The following TUT7 variants were observed in gnomAD, a reference collection of about 807,000 sequenced individuals.
The protein encoded by TUT7 is terminal uridylyl transferase 7.
A neutral mutation model predicts 165.9 loss-of-function variants in TUT7; 33 were observed. The observed-to-expected ratio is 0.20, with a 90% confidence interval of 0.15 to 0.27. The LOEUF (loss-of-function observed/expected upper bound fraction) is 0.27. TUT7 is among the 10% of genes least tolerant of loss of function. The pLI, the probability that TUT7 is intolerant of heterozygous loss-of-function variation, is 1.00. For synonymous variants in TUT7, 552 were observed against 608.1 expected (o/e 0.91, Z 1.36); for missense variants, 1,338 against 1,762.3 (o/e 0.76, Z 4.31).
intron 21 of TUT7, 88 bp downstream of exon 21, chr9:86,309,124 C>G (rs1827788339): frequency 2.6e-6 from 2 of 758,186 alleles, no homozygotes; most frequent in Non-Finnish European, 4.4e-6. Context: ...ATACAACAAG[C>G]AATAAAATAG....
chr9:86,328,207 G>C, intron 11 of TUT7, 133 bp downstream of exon 11: 1 of 760,276 alleles, frequency 1.3e-6, no homozygotes, highest in Non-Finnish European at 1.9e-6. Context: ...GTCTGTTCGA[G>C]GTACTAAACA....
chr9:86,345,354 G>A (rs1831663909), intron 4 of TUT7, among the ~76,000 whole-genome samples, 200 bp from the exon 5 acceptor site: 1 of 152,046 alleles, frequency 6.6e-6, no homozygotes, highest in South Asian at 2.1e-4. Flanking sequence ...AGGATAGGTG[G>A]GCATAAGGAG....
intron 26 of TUT7, among the ~76,000 whole-genome samples, chr9:86,299,834 A>G (rs902282202): frequency 4.6e-5 from 7 of 152,264 alleles, no homozygotes; most frequent in Non-Finnish European, 1.0e-4. Flanking sequence ...TGTTTCAGTC[A>G]TGAGTAATCA....
chr9:86,316,911 TA>T (rs1243904165), intron 17 of TUT7, among the ~76,000 whole-genome samples: 5 of 151,770 alleles, frequency 3.3e-5, no homozygotes, highest in South Asian at 4.1e-4. Context: ...GATACAACAA[TA>T]AAAAAATACA....
chr9:86,297,342 AC>A (rs1218380661), intron 26 of TUT7, among the ~76,000 whole-genome samples: 1 of 152,002 alleles, frequency 6.6e-6, no homozygotes, highest in East Asian at 1.9e-4. Context: ...TATTATTATT[AC>A]CCCCTTTTTA....
chr9:86,337,563 A>T lies in TUT7; in HGVS notation c.1336-25T>A, dbSNP rs753243971. On this transcript the variant is annotated intron_variant, in intron 9 of 26. Transcript: ENST00000375963. ...GCTACAAACAAGAGAAAAGAAAGTT[A>T]AGCATTCTTTTTGTATGAATTTGTC... is the stretch of plus-strand genomic sequence containing the variant. 7 of 1,583,990 alleles carry T rather than the reference A, an allele frequency of 4.4e-6. No homozygotes were observed. In the Admixed American group the frequency reaches 1.4e-4, roughly 31 times the overall value.
chr9:86,300,089 C>G (rs1218064986), intron 26 of TUT7, among the ~76,000 whole-genome samples: 1 of 152,216 alleles, frequency 6.6e-6, no homozygotes, highest in South Asian at 2.1e-4. Flanking sequence ...CCTCTTAAAA[C>G]AACAAAAGAA....
At chr9:86,335,062 A>T (rs889502835) in intron 10 of TUT7, among the ~76,000 whole-genome samples, 2 of 152,158 alleles carry the variant, frequency 1.3e-5, no homozygotes, top group East Asian at 3.9e-4. Flanking sequence ...ACACTTCCAC[A>T]CCATAAGTGG....
intron 26 of TUT7, among the ~76,000 whole-genome samples, chr9:86,290,242 T>C (rs1265843669): frequency 6.6e-6 from 1 of 152,246 alleles, no homozygotes; most frequent in African/African-American, 2.4e-5. Flanking sequence ...TAGTAGTTAA[T>C]GCTAGAATGG....
At chr9:86,329,550 AAAC>A (rs1830115938) in intron 10 of TUT7, among the ~76,000 whole-genome samples, 1 of 152,004 alleles carries the variant, frequency 6.6e-6, no homozygotes, top group African/African-American at 2.4e-5. Context: ...AACAAAAAAC[AAAC>A]AAAAACAGGT....
At chr9:86,342,961 T>C in intron 6 of TUT7, 114 bp downstream of exon 6, 1 of 732,592 alleles carries the variant, frequency 1.4e-6, no homozygotes, top group Non-Finnish European at 2.2e-6. Flanking sequence ...GCGGATGCTG[T>C]CATTACACTT....
intron 23 of TUT7, 32 bp downstream of exon 23, chr9:86,305,160 A>T (rs1477187479): frequency 6.4e-7 from 1 of 1,559,594 alleles, no homozygotes; most frequent in African/African-American, 1.4e-5. Context: ...TAAGTAAAAT[A>T]AAAAATAAAA....
chr9:86,309,472 G>A lies in TUT7; in HGVS notation c.3573C>T (p.Val1191=). The A allele has an allele frequency of 1.2e-6, 2 of 1,609,188 alleles. No individual in the cohort carries two copies. The highest frequency in any genetic ancestry group is 2.2e-5 in the South Asian group (2 of 90,670). Residue 1191 remains valine, a synonymous_variant, in exon 20 of 27, where the codon GTC becomes GTT. Transcript: ENST00000375963. ...LQQRNPPVIP[V]LQEIYKGEKK... is the part of the protein sequence containing the mutation. ...TTTCATTCACTAATACCTCTTGAAGGACAGGAATGACTGGTGGATTCCTCT... is the reference window on the plus strand; with the variant it reads ...TTTCATTCACTAATACCTCTTGAAGAACAGGAATGACTGGTGGATTCCTCT...
In TUT7 at chr9:86,352,992, A is replaced by G; in HGVS notation, c.208T>C (p.Cys70Arg). ...NYGNTPRKGP[C>R]AVSSNPYAFK... ...GCATATGGATTGCTGGAAACAGCAC[A>G]TGGTCCTTTTCTGGGGGTATTCCCA... The change falls in exon 2 of 27, where the codon TGT becomes CGT. Residue 70 changes from cysteine to arginine, a missense_variant. Coordinates refer to ENST00000375963, the MANE Select transcript of TUT7 (RefSeq NM_024617.4). The G allele has an allele frequency of 6.2e-7, 1 of 1,614,186 alleles. No individual in the cohort carries two copies. The highest frequency in any genetic ancestry group is 8.5e-7 in the Non-Finnish European group (1 of 1,180,040).
intron 22 of TUT7, among the ~76,000 whole-genome samples, chr9:86,306,319 G>A (rs1213961064): frequency 1.3e-5 from 2 of 152,200 alleles, no homozygotes; most frequent in East Asian, 1.9e-4. Context: ...ACCATATTGA[G>A]ATTGAGACTA....
At chr9:86,351,132 CAAA>C (rs35968773) in intron 2 of TUT7, among the ~76,000 whole-genome samples, 16 of 120,466 alleles carry the variant, frequency 1.3e-4, no homozygotes, top group Non-Finnish European at 1.0e-4. Flanking sequence ...GAGACTGTCT[CAAA>C]AAAAAAAAAA....
chr9:86,338,927 C>A lies in TUT7; in HGVS notation c.1231G>T (p.Ala411Ser), dbSNP rs931739817. The part of the protein sequence containing the change: ...KQSGLLCKVS[A>S]GNENACLTTK... ...GTCAGACAAGCATTTTCATTTCCTG[C>A]GCTCACTTTACACAGAAGACCACTG... Residue 411 changes from alanine to serine, a missense_variant, in exon 9 of 27, where the codon GCA (alanine) becomes TCA (serine). Physicochemically the swap from Ala to Ser is moderately conservative, Grantham distance 99. Around this residue, in one of 7 missense-constraint regions of TUT7, gnomAD observed 74 missense variants for 128.5 expected, o/e 0.58. Transcript: ENST00000375963. 1.2e-6 allele frequency: 2 copies of A among 1,608,846 alleles called. No homozygotes were observed. Among genetic ancestry groups the A allele is most frequent in the South Asian group, 1.1e-5 (1 of 89,820 alleles).
chr9:86,346,401 T>C lies in TUT7; in HGVS notation c.600A>G (p.Glu200=). Residue 200 remains glutamate (E), a synonymous_variant, in exon 3 of 27, where the codon GAA becomes GAG. Coordinates refer to ENST00000375963, the MANE Select transcript of TUT7 (RefSeq NM_024617.4). ...GTACAGACTCATCGATCACAGGGCCTTCCAAGTCTCCATCCTGCTCATTTT... is the reference window on the plus strand; with the variant it reads ...GTACAGACTCATCGATCACAGGGCCCTCCAAGTCTCCATCCTGCTCATTTT... ...NEENEQDGDL[E]GPVIDESVLS... 2 of 1,614,160 alleles carry C rather than the reference T, an allele frequency of 1.2e-6. No individual in the cohort carries two copies. The highest frequency in any genetic ancestry group is 1.7e-6 in the Non-Finnish European group (2 of 1,179,986).
rs1831614892 is a variant in TUT7 at position 86,344,810 on chromosome 9, C to A, written c.997+167G>T. 6.4e-6 allele frequency: 4 copies of A among 628,426 alleles called. No homozygotes were observed. The Admixed American group carries it at 1.0e-4, about 16-fold the overall frequency. 38.9% of individuals were successfully genotyped at this position (628,426 alleles called of 1,614,324 possible). A position where few individuals can be genotyped will look rare whatever the true frequency, so the allele number is the denominator to read the frequency against. On this transcript the variant is annotated intron_variant, in intron 5 of 26. Transcript: ENST00000375963. ...TATAATGACAATGCATATGAAAGTC[C>A]TTGTTACCTTAGGGAAAGCCAGGGA...
Sources: gnomAD v4.1 joint callset for allele counts (sites outside exome capture counted in the v4.1 genomes callset) on GRCh38, gnomAD v4.1.1 for gene constraint, gnomAD v4.1.1 regional missense constraint, MANE v1.5 for transcripts, NCBI Gene and HGNC (gene_info 2026-07-23, HGNC 2026-07-21) for gene names.